The following DNAH11 variants were observed in gnomAD, a reference collection of about 807,000 sequenced individuals.
DNAH11 encodes the protein dynein axonemal heavy chain 11.
In DNAH11, 442 loss-of-function variants were observed where a neutral mutation model predicts 526.0. The observed-to-expected ratio is 0.84, with a 90% confidence interval of 0.78 to 0.91. DNAH11 has a LOEUF of 0.91. Among genes scored for constraint, DNAH11 ranks in the 40% least tolerant of loss-of-function variants. DNAH11 has a pLI of 0.00. For synonymous variants in DNAH11, 2,461 were observed against 1,935.9 expected, an observed-to-expected ratio of 1.27 and a Z score of -7.12; for missense variants, 6,989 against 5,448.7, an observed-to-expected ratio of 1.28 and a Z score of -8.90.
Position 21,599,823 on chromosome 7 carries a change from G to T in DNAH11, c.2704G>T (p.Asp902Tyr), listed in dbSNP as rs754443515. Residue 902 changes from aspartate (D) to tyrosine (Y), a missense_variant, in exon 15 of 82, where the codon GAT (aspartate) becomes TAT (tyrosine). Asp to Tyr is a radical substitution (Grantham distance 160). Transcript: ENST00000409508. The stretch of plus-strand genomic sequence containing the variant: ...GCTCTTCAAAGCCAATCCCTCTCTG[G>T]ATACCTGGAAAATTTATGTAGAATT... ...RKLFKANPSL[D>Y]TWKIYVEFID... The T allele has an allele frequency of 2.5e-6, 4 of 1,591,810 alleles. No homozygotes were observed. In the South Asian group the frequency reaches 4.6e-5, roughly 18 times the overall value.
In DNAH11 at chr7:21,830,866, T is replaced by C. The variant is rs546038508; in HGVS notation, c.10692-11678T>C. On this transcript the variant is annotated intron_variant, in intron 65 of 81. Coordinates refer to ENST00000409508, the MANE Select transcript of DNAH11 (RefSeq NM_001277115.2). ...ATAGGTACTCAGTACAAATATATGG[T>C]ATTTGTACTCAGAAAAATAATTTTA... is the stretch of plus-strand genomic sequence containing the variant. 2.0e-5 allele frequency among the ~76,000 whole-genome samples: 3 copies of C among 152,290 alleles called. No homozygotes were observed. The South Asian group carries it at 6.2e-4, about 32-fold the overall frequency.
chr7:21,611,662 C>G (rs553115960), intron 20 of DNAH11, among the ~76,000 whole-genome samples: 1 of 152,162 alleles, frequency 6.6e-6, no homozygotes, highest in Non-Finnish European at 1.5e-5. Context: ...TCAAAGCAAC[C>G]AGATAGAAAA....
chr7:21,568,373 A>G (rs1276582904), intron 6 of DNAH11, among the ~76,000 whole-genome samples: 1 of 152,132 alleles, frequency 6.6e-6, no homozygotes, highest in East Asian at 1.9e-4. Flanking sequence ...TATGAGCTAA[A>G]AGGGATTTTG....
intron 18 of DNAH11, among the ~76,000 whole-genome samples, chr7:21,604,542 A>C (rs1785211871): frequency 6.6e-6 from 1 of 152,158 alleles, no homozygotes; most frequent in Non-Finnish European, 1.5e-5. Context: ...TCATACCTCA[A>C]GGGATCTCAC....
intron 17 of DNAH11, 104 bp from the exon 18 acceptor site, chr7:21,601,292 T>C: frequency 7.0e-7 from 1 of 1,436,646 alleles, no homozygotes; most frequent in South Asian, 1.4e-5. Context: ...GATAAATGTT[T>C]AATCAGGTAC....
intron 65 of DNAH11, among the ~76,000 whole-genome samples, chr7:21,826,301 G>C (rs1405651906): frequency 2.6e-4 from 39 of 152,126 alleles, no homozygotes; most frequent in African/African-American, 8.9e-4. Context: ...AAAGAAAGGA[G>C]AGAAACTAAA....
chr7:21,847,326 A>C (rs551440343), intron 66 of DNAH11, among the ~76,000 whole-genome samples: 1 of 152,220 alleles, frequency 6.6e-6, no homozygotes, highest in African/African-American at 2.4e-5. Flanking sequence ...ATTCAATGCT[A>C]TAAATTTCCC....
intron 30 of DNAH11, among the ~76,000 whole-genome samples, chr7:21,679,001 A>T (rs1783029734): frequency 6.6e-6 from 1 of 150,966 alleles, no homozygotes; most frequent in Non-Finnish European, 1.5e-5. Flanking sequence ...ATAGATGGAT[A>T]AAGAAAATGT....
intron 6 of DNAH11, among the ~76,000 whole-genome samples, chr7:21,565,274 C>A (rs536823913): frequency 8.7e-6 from 1 of 114,744 alleles, no homozygotes; most frequent in African/African-American, 3.6e-5. Context: ...TCTTGTAAGA[C>A]CACAGGTCCT....
At chr7:21,810,538 G>A (rs1789470373) in intron 63 of DNAH11, among the ~76,000 whole-genome samples, 1 of 152,174 alleles carries the variant, frequency 6.6e-6, no homozygotes, top group Non-Finnish European at 1.5e-5. Flanking sequence ...GAACAGTTTT[G>A]AGGAGAGTGG....
chr7:21,789,889 T>C lies in DNAH11; in HGVS notation c.10026+547T>C, dbSNP rs1583697794. 7.4e-5 allele frequency among the ~76,000 whole-genome samples: 11 copies of C among 147,856 alleles called. No individual in the cohort carries two copies. In the South Asian group the frequency reaches 2.4e-3, roughly 32 times the overall value. ...TTCCTTTTCTTTCTTTCTTTCTTTC[T>C]TTCCTTTCCCCTCCCTCCCTCCCTC... On this transcript the variant is annotated intron_variant, in intron 61 of 81. Transcript: ENST00000409508.
chr7:21,577,626 A>G (rs1784148845), intron 8 of DNAH11, among the ~76,000 whole-genome samples: 1 of 152,318 alleles, frequency 6.6e-6, no homozygotes, highest in African/African-American at 2.4e-5. Context: ...CCCAGCGGTA[A>G]CAAGGAGCCC....
chr7:21,619,051 C>A (rs1228478448), intron 23 of DNAH11, 49 bp from the exon 24 acceptor site: 1 of 1,609,080 alleles, frequency 6.2e-7, no homozygotes, highest in South Asian at 1.1e-5. Context: ...GCAAAAGGAA[C>A]CGTTCATATA....
In DNAH11 at chr7:21,826,441, A is replaced by C. The variant is rs1367205061; in HGVS notation, c.10691+8102A>C. On this transcript the variant is annotated intron_variant, in intron 65 of 81. Coordinates refer to ENST00000409508, the MANE Select transcript of DNAH11 (RefSeq NM_001277115.2). The stretch of plus-strand genomic sequence containing the variant: ...AATATAAAAGAAAATTAAGGGGAAA[A>C]TGTTGCTATGTATTCATTTAATAAT... Among the ~76,000 whole-genome samples, 5 of 152,158 alleles carry C rather than the reference A, an allele frequency of 3.3e-5. No individual in the cohort carries two copies. In the East Asian group the frequency reaches 9.6e-4, roughly 29 times the overall value.
At chr7:21,851,112 A>G (rs907799259) in intron 66 of DNAH11, 4 of 155,210 alleles carry the variant, frequency 2.6e-5, no homozygotes, top group African/African-American at 9.6e-5. Context: ...CTTGAATTGT[A>G]GTTCCCATAA....
chr7:21,732,497 G>A (rs183088240), intron 45 of DNAH11, among the ~76,000 whole-genome samples: 53 of 152,234 alleles, frequency 3.5e-4, no homozygotes, highest in African/African-American at 1.2e-3. Flanking sequence ...TATTACTCCG[G>A]TATGACTTCA....
intron 21 of DNAH11, among the ~76,000 whole-genome samples, chr7:21,615,681 G>A (rs530811869): frequency 7.2e-5 from 11 of 152,180 alleles, no homozygotes; most frequent in African/African-American, 2.2e-4. Flanking sequence ...TTTGTATGTG[G>A]TTAATTAAGT....
intron 45 of DNAH11, among the ~76,000 whole-genome samples, chr7:21,728,438 T>C (rs1170301033): frequency 6.6e-6 from 1 of 151,776 alleles, no homozygotes; most frequent in Non-Finnish European, 1.5e-5. Flanking sequence ...TTTGTATTTT[T>C]AGTAGAGACG....
At chr7:21,748,222 G>T (rs1190922554) in intron 51 of DNAH11, among the ~76,000 whole-genome samples, 2 of 152,194 alleles carry the variant, frequency 1.3e-5, no homozygotes, top group African/African-American at 4.8e-5. Flanking sequence ...AGTTGCTCAT[G>T]CCTGTAATCC....
Sources: allele counts gnomAD v4.1 joint callset (sites outside exome capture counted in the v4.1 genomes callset), GRCh38; gene constraint gnomAD v4.1.1; transcripts MANE v1.5; gene names NCBI Gene and HGNC (gene_info 2026-07-23, HGNC 2026-07-21).